ARMH3: variants seen among roughly 807,000 people sequenced by gnomAD.
The protein encoded by ARMH3 is armadillo-like helical domain-containing protein 3.
ARMH3 carries 60 observed loss-of-function variants against 99.1 expected under a neutral mutation model. The ratio of observed to expected loss-of-function variants is 0.61; its 90% CI spans 0.49 to 0.75. The LOEUF is 0.75. ARMH3 is among the 30% of genes least tolerant of loss of function. The pLI, the probability that ARMH3 is intolerant of heterozygous loss-of-function variation, is 0.00. For missense variants in ARMH3, 679 were observed against 843.1 expected (o/e 0.81, Z 2.41); for synonymous variants, 285 against 292.8 (o/e 0.97, Z 0.27).
At chr10:101,920,345 G>T (rs1843257296) in intron 23 of ARMH3, among the ~76,000 whole-genome samples, 1 of 152,212 alleles carries the variant, frequency 6.6e-6, no homozygotes, top group African/African-American at 2.4e-5. Flanking sequence ...TTTGTCCAGA[G>T]AATTCTAAGT....
intron 24 of ARMH3, among the ~76,000 whole-genome samples, chr10:101,883,658 T>C (rs1278454426): frequency 6.6e-6 from 1 of 152,052 alleles, no homozygotes; most frequent in Non-Finnish European, 1.5e-5. Context: ...ATGGGGTTTA[T>C]CTATGCAACA....
At chr10:101,873,098 A>G (rs1336374043) in intron 24 of ARMH3, among the ~76,000 whole-genome samples, 1 of 151,890 alleles carries the variant, frequency 6.6e-6, no homozygotes, top group Non-Finnish European at 1.5e-5. Flanking sequence ...AAATGGTAGA[A>G]CCACTTTTGA....
chr10:102,005,350 T>G (rs1355847350), intron 14 of ARMH3, among the ~76,000 whole-genome samples: 1 of 139,748 alleles, frequency 7.2e-6, no homozygotes, highest in Non-Finnish European at 1.5e-5. Context: ...ACTACCACAC[T>G]CTAGCCTAAA....
At chr10:102,025,434 TAAGA>T (rs757689881) in intron 5 of ARMH3, among the ~76,000 whole-genome samples, 186 bp from the exon 6 acceptor site, 28 of 152,278 alleles carry the variant, frequency 1.8e-4, no homozygotes, top group Non-Finnish European at 3.8e-4. Context: ...CTGGGGTTGC[TAAGA>T]AAGAAAAATA....
chr10:101,976,593 A>G (rs992105900), intron 19 of ARMH3, among the ~76,000 whole-genome samples: 4 of 152,156 alleles, frequency 2.6e-5, no homozygotes, highest in African/African-American at 9.7e-5. Flanking sequence ...TATTCTACTC[A>G]AAGTGGTATA....
chr10:101,932,002 CA>C (rs1207056839), intron 23 of ARMH3, among the ~76,000 whole-genome samples: 1 of 152,168 alleles, frequency 6.6e-6, no homozygotes, highest in Non-Finnish European at 1.5e-5. Context: ...ATCTGCACAT[CA>C]TATGCCTGAT....
rs192971888 is a variant in ARMH3 at position 101,963,691 on chromosome 10, T to C, written c.1496-5959A>G. 6.6e-5 allele frequency among the ~76,000 whole-genome samples: 10 copies of C among 151,146 alleles called. No homozygotes were observed. The East Asian group carries it at 1.2e-3, about 18-fold the overall frequency. Reference sequence around the variant, plus strand: ...CTCGGCTCTCCGCGACCTCTGTCTCTTGGGTTCAAGCGATTCTCCTGCCTC... The same window carrying C: ...CTCGGCTCTCCGCGACCTCTGTCTCCTGGGTTCAAGCGATTCTCCTGCCTC... On this transcript the variant is annotated intron_variant, in intron 20 of 25. Coordinates refer to ENST00000370033, the MANE Select transcript of ARMH3 (RefSeq NM_024541.3).
At chr10:102,003,477 A>C (rs2066414606) in intron 14 of ARMH3, among the ~76,000 whole-genome samples, 1 of 152,160 alleles carries the variant, frequency 6.6e-6, no homozygotes, top group African/African-American at 2.4e-5. Context: ...CAAAGTCTTA[A>C]TGTAGGCTTC....
At chr10:101,866,990 C>T (rs1174392017) in intron 24 of ARMH3, among the ~76,000 whole-genome samples, 1 of 152,136 alleles carries the variant, frequency 6.6e-6, no homozygotes, top group Non-Finnish European at 1.5e-5. Context: ...AAAAAAATTT[C>T]TGCAAAAGAC....
intron 4 of ARMH3, among the ~76,000 whole-genome samples, chr10:102,030,113 G>T (rs774390705): frequency 6.6e-6 from 1 of 151,742 alleles, no homozygotes; most frequent in Non-Finnish European, 1.5e-5. Flanking sequence ...TAGAGACAGG[G>T]TCTCACCATG....
intron 22 of ARMH3, among the ~76,000 whole-genome samples, chr10:101,942,381 A>G (rs1228738233): frequency 1.3e-5 from 2 of 152,238 alleles, no homozygotes; most frequent in East Asian, 3.8e-4. Context: ...CCAAGGAATT[A>G]TAAGATTTTA....
chr10:101,994,079 G>A (rs1390992101), intron 16 of ARMH3, among the ~76,000 whole-genome samples: 1 of 152,192 alleles, frequency 6.6e-6, no homozygotes, highest in Non-Finnish European at 1.5e-5. Flanking sequence ...CACAGGCAGC[G>A]TGGAAGCAGG....
intron 20 of ARMH3, among the ~76,000 whole-genome samples, chr10:101,969,519 C>G (rs1337487537): frequency 6.6e-6 from 1 of 152,192 alleles, no homozygotes; most frequent in East Asian, 1.9e-4. Context: ...CTCTCAATTG[C>G]CAGTCTTGAG....
At chr10:102,040,340 G>A (rs557091032) in intron 1 of ARMH3, among the ~76,000 whole-genome samples, 1 of 152,126 alleles carries the variant, frequency 6.6e-6, no homozygotes, top group Admixed American at 6.6e-5. Context: ...GTCAATAGAG[G>A]AGGCAATGCA....
chr10:101,858,815 T>C (rs2066792754), intron 24 of ARMH3, among the ~76,000 whole-genome samples: 2 of 152,314 alleles, frequency 1.3e-5, no homozygotes, highest in Admixed American at 6.5e-5. Flanking sequence ...CTTAGCACTC[T>C]GAAGGAGGCT....
chr10:101,863,914 A>G (rs2066928952), intron 24 of ARMH3, among the ~76,000 whole-genome samples: 2 of 152,024 alleles, frequency 1.3e-5, no homozygotes, highest in Admixed American at 1.3e-4. Context: ...TACAAAAATT[A>G]GCTGGGTGTG....
At chr10:102,019,577 C>T (rs2066829159) in intron 8 of ARMH3, among the ~76,000 whole-genome samples, 1 of 152,000 alleles carries the variant, frequency 6.6e-6, no homozygotes, top group Non-Finnish European at 1.5e-5. Flanking sequence ...TAGGCCTATG[C>T]TAATTTGTGT....
intron 15 of ARMH3, among the ~76,000 whole-genome samples, chr10:101,995,745 C>T (rs929776868): frequency 6.6e-6 from 1 of 152,178 alleles, no homozygotes; most frequent in African/African-American, 2.4e-5. Flanking sequence ...TAAGCACCAC[C>T]TACCACAAAA....
chr10:101,979,673 A>G (rs1846148396), intron 19 of ARMH3, among the ~76,000 whole-genome samples: 1 of 152,236 alleles, frequency 6.6e-6, no homozygotes, highest in Non-Finnish European at 1.5e-5. Flanking sequence ...TACGTTTTCC[A>G]AATATTTGTC....
Sources: allele counts gnomAD v4.1 joint callset (sites outside exome capture counted in the v4.1 genomes callset), GRCh38; gene constraint gnomAD v4.1.1; transcripts MANE v1.5; gene names NCBI Gene and HGNC (gene_info 2026-07-23, HGNC 2026-07-21).